SLC24A3: variants seen among roughly 807,000 people sequenced by gnomAD.
SLC24A3 encodes sodium/potassium/calcium exchanger 3.
SLC24A3 carries 28 observed loss-of-function variants against 75.8 expected under a neutral mutation model. The ratio of observed to expected loss-of-function variants is 0.37; its 90% CI spans 0.27 to 0.51. The LOEUF is 0.51. SLC24A3 is among the 20% of genes least tolerant of loss of function. The pLI is 0.94. For missense variants in SLC24A3, 663 were observed against 847.8 expected, an observed-to-expected ratio of 0.78 and a Z score of 2.71; for synonymous variants, 372 against 334.1, an observed-to-expected ratio of 1.11 and a Z score of -1.24.
rs1236450864 is a variant in SLC24A3, at chr20:19,325,759, TACATACATATATATATAC to T, written c.271+44674_271+44691del. Among the ~76,000 whole-genome samples the T allele has an allele frequency of 6.2e-3, 580 of 93,282 alleles. 16 individuals are homozygous for T. Among genetic ancestry groups the T allele is most frequent in the Admixed American group, 0.01 (82 of 8,104 alleles). The allele number at this position is 93,282 out of a possible 152,430, so 61.2% of individuals were successfully genotyped here. ...GTGTGTGTGTGTGTGTGTGTATACA[TACATACATATATATATAC>T]ATATATATATATATATATAGAGAGA... On this transcript the variant is annotated intron_variant, in intron 2 of 16. Transcript: ENST00000328041.
At chr20:19,545,525 C>T (rs551484411) in intron 3 of SLC24A3, among the ~76,000 whole-genome samples, 1 of 152,314 alleles carries the variant, frequency 6.6e-6, no homozygotes, top group Non-Finnish European at 1.5e-5. Flanking sequence ...CTAAGTCAGC[C>T]ACACCCTCTG....
chr20:19,714,795 AG>A (rs1283142401), intron 15 of SLC24A3, among the ~76,000 whole-genome samples: 1 of 152,258 alleles, frequency 6.6e-6, no homozygotes, highest in African/African-American at 2.4e-5. Context: ...ATGTGAACAT[AG>A]GAAGAGTAAA....
At chr20:19,256,411 G>T (rs1982815945) in intron 1 of SLC24A3, among the ~76,000 whole-genome samples, 1 of 152,128 alleles carries the variant, frequency 6.6e-6, no homozygotes, top group Non-Finnish European at 1.5e-5. Flanking sequence ...AGATGATGGT[G>T]ATGGTTACAC....
chr20:19,385,145 A>G (rs1986251340), intron 2 of SLC24A3, among the ~76,000 whole-genome samples: 1 of 152,158 alleles, frequency 6.6e-6, no homozygotes, highest in Admixed American at 6.5e-5. Context: ...TTTAGTTATG[A>G]TGCAATCCCA....
At chr20:19,495,871 G>A (rs1988277255) in intron 2 of SLC24A3, among the ~76,000 whole-genome samples, 1 of 152,174 alleles carries the variant, frequency 6.6e-6, no homozygotes. Context: ...GCATCCTGTT[G>A]TCACCTGAGT....
intron 2 of SLC24A3, among the ~76,000 whole-genome samples, chr20:19,484,477 G>C (rs746173662): frequency 6.6e-6 from 1 of 152,136 alleles, no homozygotes; most frequent in African/African-American, 2.4e-5. Flanking sequence ...TGCTCAACTT[G>C]TATATCTGTA....
chr20:19,296,540 G>A (rs980094940), intron 2 of SLC24A3, among the ~76,000 whole-genome samples: 2 of 152,080 alleles, frequency 1.3e-5, no homozygotes, highest in African/African-American at 4.8e-5. Flanking sequence ...AATTCAACAA[G>A]AAGAGCTAAC....
chr20:19,673,506 C>A, intron 8 of SLC24A3, 95 bp from the exon 9 acceptor site: 1 of 1,060,362 alleles, frequency 9.4e-7, no homozygotes, highest in Non-Finnish European at 1.5e-6. Flanking sequence ...TCCTTACTAT[C>A]CTGGCCGTTT....
chr20:19,649,494 A>G (rs1415399453), intron 6 of SLC24A3, among the ~76,000 whole-genome samples: 2 of 152,140 alleles, frequency 1.3e-5, no homozygotes, highest in Non-Finnish European at 2.9e-5. Flanking sequence ...ATTCCTATCT[A>G]TAGTTTTTAT....
rs762077074 is a variant in SLC24A3 at position 19,685,210 on chromosome 20, A to C, written c.1173A>C (p.Pro391=). 12 of 1,614,204 alleles carry C rather than the reference A, an allele frequency of 7.4e-6. No individual in the cohort carries two copies. Among genetic ancestry groups the C allele is most frequent in the Non-Finnish European group, 8.5e-6 (10 of 1,180,036 alleles). ...ATGGGACAGGGCCCAGCAGTGCCCC[A>C]GACAGGGGCGTGAATGGGACACGGA... ...VENGTGPSSA[P]DRGVNGTRRD... is the part of the protein sequence containing the mutation. Residue 391 remains proline, a synonymous_variant, in exon 12 of 17, where the codon CCA becomes CCC. Coordinates refer to ENST00000328041, the MANE Select transcript of SLC24A3 (RefSeq NM_020689.4).
At chr20:19,509,875 GC>G (rs572848639) in intron 2 of SLC24A3, among the ~76,000 whole-genome samples, 132 of 152,334 alleles carry the variant, frequency 8.7e-4, no homozygotes, top group African/African-American at 3.0e-3. Context: ...GGTGGCCAAA[GC>G]CACACTTTGG....
chr20:19,463,211 G>A (rs1045686179), intron 2 of SLC24A3, among the ~76,000 whole-genome samples: 6 of 152,142 alleles, frequency 3.9e-5, no homozygotes, highest in South Asian at 2.1e-4. Context: ...AGGCACTCAC[G>A]TGACTCCTGT....
intron 6 of SLC24A3, among the ~76,000 whole-genome samples, chr20:19,626,017 G>A (rs964480043): frequency 2.0e-4 from 30 of 151,968 alleles, no homozygotes; most frequent in African/African-American, 7.2e-4. Flanking sequence ...CATTTTTCCT[G>A]AGTTTAGCCC....
chr20:19,480,612 T>G (rs1367227762), intron 2 of SLC24A3, among the ~76,000 whole-genome samples: 4 of 152,182 alleles, frequency 2.6e-5, no homozygotes, highest in African/African-American at 9.7e-5. Flanking sequence ...AACTAGCCCA[T>G]TCAGCTCCTG....
chr20:19,257,835 A>G (rs981919481), intron 1 of SLC24A3: 2 of 152,184 alleles, frequency 1.3e-5, no homozygotes, highest in African/African-American at 4.8e-5. Flanking sequence ...TTTGATTTTT[A>G]TATTTTTAGA....
At chr20:19,639,192 T>C (rs1326570764) in intron 6 of SLC24A3, among the ~76,000 whole-genome samples, 1 of 152,064 alleles carries the variant, frequency 6.6e-6, no homozygotes, top group African/African-American at 2.4e-5. Context: ...ATACAGAGTG[T>C]CCACACAAAG....
rs541915933 is a variant in SLC24A3 at position 19,507,901 on chromosome 20, C to T, written c.272-7587C>T. ...TTCAGTCACACTTGATATTTGTTGT[C>T]CTCTTTCATGTATCCCAGCCTGGTG... On this transcript the variant is annotated intron_variant, in intron 2 of 16. Transcript: ENST00000328041. 4.7e-4 allele frequency among the ~76,000 whole-genome samples: 71 copies of T among 152,292 alleles called. 1 individual carries two copies. The highest frequency in any genetic ancestry group is 9.1e-4 in the Non-Finnish European group (62 of 68,022).
intron 6 of SLC24A3, among the ~76,000 whole-genome samples, chr20:19,594,366 C>T (rs2031422776): frequency 6.6e-6 from 1 of 152,176 alleles, no homozygotes; most frequent in Non-Finnish European, 1.5e-5. Context: ...GGACCTGAGG[C>T]CTGAGACCTC....
intron 2 of SLC24A3, among the ~76,000 whole-genome samples, chr20:19,460,767 C>A (rs1352832333): frequency 2.0e-5 from 3 of 152,116 alleles, no homozygotes; most frequent in Non-Finnish European, 2.9e-5. Context: ...GCAGGCCCTC[C>A]CTTGTTCTTT....
Sources: gnomAD v4.1 joint callset for allele counts (sites outside exome capture counted in the v4.1 genomes callset) on GRCh38, gnomAD v4.1.1 for gene constraint, MANE v1.5 for transcripts, NCBI Gene and HGNC (gene_info 2026-07-23, HGNC 2026-07-21) for gene names.